Variants in GARRE1 observed in about 807,000 individuals in gnomAD.
The protein encoded by GARRE1 is granule associated Rac and RHOG effector protein 1.
In GARRE1, 49 loss-of-function variants were observed where a neutral mutation model predicts 103.2. The ratio of observed to expected loss-of-function variants is 0.47; its 90% confidence interval spans 0.38 to 0.60. The LOEUF (loss-of-function observed/expected upper bound fraction) is 0.60, where lower values mean the gene tolerates loss of function less well. Among genes scored for constraint, GARRE1 ranks in the 20% least tolerant of loss-of-function variants. The pLI is 0.00. For missense variants in GARRE1, 1,199 were observed against 1,370.5 expected (o/e 0.87, Z 1.98); for synonymous variants, 505 against 532.8 (o/e 0.95, Z 0.72).
rs71165649 is a variant in GARRE1, at chr19:34,323,023, C to CTTTTTTTT, written c.705+2927_705+2934dup. ...ATTAACTTGGCAAAGTATTTCTTTT[C>CTTTTTTTT]TTTTTTTTTTTTTTTTTTTTTTTTT... is the stretch of plus-strand genomic sequence containing the variant. On this transcript the variant is annotated intron_variant, in intron 3 of 13. Transcript: ENST00000299505. Among the ~76,000 whole-genome samples, 35 of 66,670 alleles carry CTTTTTTTT rather than the reference C, an allele frequency of 5.2e-4. 1 individual carries two copies. Among genetic ancestry groups the CTTTTTTTT allele is most frequent in the African/African-American group, 1.7e-3 (29 of 17,564 alleles). 43.7% of individuals were successfully genotyped at this position (66,670 alleles called of 152,430 possible).
intron 8 of GARRE1, among the ~76,000 whole-genome samples, chr19:34,335,729 T>C (rs143357812): frequency 9.2e-5 from 14 of 152,342 alleles, no homozygotes; most frequent in African/African-American, 3.4e-4. Context: ...TTTTGCCATG[T>C]TGGCCAGGCT....
At chr19:34,340,737 G>A (rs1422766649) in intron 9 of GARRE1, among the ~76,000 whole-genome samples, 1 of 152,116 alleles carries the variant, frequency 6.6e-6, no homozygotes, top group African/African-American at 2.4e-5. Context: ...TGGCCAGGCT[G>A]GTATCAAACT....
At chr19:34,262,076 C>T (rs1599744356) in intron 1 of GARRE1, among the ~76,000 whole-genome samples, 1 of 152,036 alleles carries the variant, frequency 6.6e-6, no homozygotes, top group South Asian at 2.1e-4. Context: ...CTCTGCCTCC[C>T]TGGGTTCAAG....
In GARRE1 at chr19:34,268,043, A is replaced by G. The variant is rs796341769; in HGVS notation, c.-796+13429A>G. ...CGCCTTGGCCTCCCAAAGTGCTGGG[A>G]TTAGAGGCGTGAACCACTGCACGTG... On this transcript the variant is annotated intron_variant, in intron 1 of 13. Coordinates refer to ENST00000299505, the MANE Select transcript of GARRE1 (RefSeq NM_014686.5). 2.1e-4 allele frequency among the ~76,000 whole-genome samples: 32 copies of G among 151,482 alleles called. 1 individual carries two copies. The highest frequency in any genetic ancestry group is 6.3e-4 in the African/African-American group (26 of 41,312).
At chr19:34,275,417 C>A (rs1395999848) in intron 1 of GARRE1, among the ~76,000 whole-genome samples, 2 of 151,916 alleles carry the variant, frequency 1.3e-5, no homozygotes. Flanking sequence ...ACACCCCCAC[C>A]CCCAGCCTTA....
chr19:34,350,657 C>T (rs1332175167), intron 12 of GARRE1, among the ~76,000 whole-genome samples: 1 of 152,300 alleles, frequency 6.6e-6, no homozygotes, highest in East Asian at 1.9e-4. Flanking sequence ...TCTTAGCTCA[C>T]TGCAAGCTCC....
intron 2 of GARRE1, among the ~76,000 whole-genome samples, chr19:34,313,084 A>G (rs1227050033): frequency 2.0e-5 from 3 of 152,182 alleles, no homozygotes; most frequent in Non-Finnish European, 4.4e-5. Context: ...AGTTCAGATA[A>G]TAGGTCTGTG....
intron 1 of GARRE1, among the ~76,000 whole-genome samples, chr19:34,269,732 T>C (rs1386671363): frequency 2.0e-5 from 3 of 152,158 alleles, no homozygotes; most frequent in African/African-American, 7.2e-5. Context: ...TGACCTTTGT[T>C]TTGTTTTAGT....
chr19:34,334,565 G>A (rs2145273472), intron 8 of GARRE1, among the ~76,000 whole-genome samples: 1 of 151,978 alleles, frequency 6.6e-6, no homozygotes, highest in South Asian at 2.1e-4. Context: ...CAGGCATGGT[G>A]GTGGGTGCCT....
intron 9 of GARRE1, among the ~76,000 whole-genome samples, chr19:34,340,946 G>T (rs1444697272): frequency 6.6e-6 from 1 of 152,174 alleles, no homozygotes; most frequent in Admixed American, 6.5e-5. Context: ...CTCCATTTTA[G>T]TATGGGAAAA....
In GARRE1 at chr19:34,300,322, A is replaced by C; in HGVS notation, c.-152A>C. 2.6e-6 allele frequency: 2 copies of C among 760,004 alleles called. No individual in the cohort carries two copies. The allele number at this position is 760,004 out of a possible 1,614,324, so 47.1% of individuals were successfully genotyped here. ...TAAACCTGTTGTCTCTCACCTCTAC[A>C]TTGGATCACATGGTCACCTGCCTCA... On this transcript the variant is annotated 5_prime_UTR_variant, in exon 2 of 14. Coordinates refer to ENST00000299505, the MANE Select transcript of GARRE1 (RefSeq NM_014686.5).
At chr19:34,274,405 CAAG>C (rs1201752126) in intron 1 of GARRE1, among the ~76,000 whole-genome samples, 2 of 151,710 alleles carry the variant, frequency 1.3e-5, no homozygotes, top group Admixed American at 6.6e-5. Flanking sequence ...AACTCCGTCT[CAAG>C]AAGGCAGGAA....
At chr19:34,331,956 A>C (rs539766804) in intron 7 of GARRE1, among the ~76,000 whole-genome samples, 1 of 151,108 alleles carries the variant, frequency 6.6e-6, no homozygotes, top group Non-Finnish European at 1.5e-5. Flanking sequence ...GTGCCACTGC[A>C]CTCCAGCCTG....
chr19:34,337,721 G>A (rs762743516), intron 8 of GARRE1, among the ~76,000 whole-genome samples: 1 of 152,224 alleles, frequency 6.6e-6, no homozygotes, highest in Non-Finnish European at 1.5e-5. Context: ...TTATTGATCA[G>A]CTCAAGGCTG....
At chr19:34,349,230 C>T (rs759258584) in intron 12 of GARRE1, 77 bp downstream of exon 12, 5 of 1,434,712 alleles carry the variant, frequency 3.5e-6, no homozygotes, top group Non-Finnish European at 4.8e-6. Flanking sequence ...CCTGGGAAAG[C>T]CAGGAGCCCA....
chr19:34,317,746 A>G (rs977109543), intron 2 of GARRE1, among the ~76,000 whole-genome samples: 3 of 152,166 alleles, frequency 2.0e-5, no homozygotes, highest in Non-Finnish European at 4.4e-5. Context: ...CTTGTTGTCT[A>G]TGAAGGGAGG....
intron 12 of GARRE1, 80 bp from the exon 13 acceptor site, chr19:34,351,434 G>A: frequency 9.2e-7 from 1 of 1,086,642 alleles, no homozygotes; most frequent in Non-Finnish European, 1.4e-6. Flanking sequence ...AGATGCTGGA[G>A]CCTAGCACTA....
At chr19:34,317,067 C>T (rs368436708) in intron 2 of GARRE1, among the ~76,000 whole-genome samples, 6 of 152,356 alleles carry the variant, frequency 3.9e-5, no homozygotes, top group African/African-American at 9.6e-5. Context: ...CTCCTTCAGG[C>T]CTTCAGCCAT....
chr19:34,319,310 T>C (rs893918535), intron 2 of GARRE1, among the ~76,000 whole-genome samples: 6 of 152,196 alleles, frequency 3.9e-5, no homozygotes, highest in African/African-American at 1.4e-4. Context: ...TCTACTGTAC[T>C]CATGAGTGGA....
Sources: allele counts gnomAD v4.1 joint callset (sites outside exome capture counted in the v4.1 genomes callset), GRCh38; gene constraint gnomAD v4.1.1; transcripts MANE v1.5; gene names NCBI Gene and HGNC (gene_info 2026-07-23, HGNC 2026-07-21).